MSH5: variants seen among roughly 807,000 people sequenced by gnomAD.
The protein encoded by MSH5 is mutS protein homolog 5.
A neutral mutation model predicts 107.7 loss-of-function variants in MSH5; 78 were observed. That is an observed-to-expected ratio of 0.72 (90% CI 0.60 to 0.87). The LOEUF (loss-of-function observed/expected upper bound fraction) is 0.87, where lower values mean the gene tolerates loss of function less well. Ranked by LOEUF, MSH5 falls within the 40% of genes least tolerant of loss-of-function variation. The pLI, the probability that MSH5 is intolerant of heterozygous loss-of-function variation, is 0.00. For synonymous variants in MSH5, 326 were observed against 399.5 expected, an observed-to-expected ratio of 0.82 and a Z score of 2.19; for missense variants, 889 against 1,046.6, an observed-to-expected ratio of 0.85 and a Z score of 2.08.
rs143691947 is a variant in MSH5 at position 31,743,130 on chromosome 6, T to C, written c.375T>C (p.Pro125=). Residue 125 remains proline (P), a synonymous_variant, in exon 5 of 25, where the codon CCT becomes CCC. Transcript: ENST00000375750. ...GKLASQEHRE[P]KRPEIIFLPS... is the part of the protein sequence containing the mutation. ...CAGCCTCCCAGGAGCACAGAGAGCC[T>C]AAAAGACCTGAAATCATATTTTTGC... 237 of 1,612,930 alleles carry C rather than the reference T, an allele frequency of 1.5e-4. No homozygotes were observed. The highest frequency in any genetic ancestry group is 4.3e-4 in the South Asian group (39 of 91,082).
chr6:31,747,256 T>A (rs1809546827), intron 9 of MSH5, 131 bp from the exon 10 acceptor site: 4 of 900,286 alleles, frequency 4.4e-6, no homozygotes, highest in Non-Finnish European at 7.1e-6. Context: ...TGGCTGCCTT[T>A]GTGCCCTCCC....
chr6:31,762,109 T>G lies in MSH5; in HGVS notation c.2320-3T>G. The G allele has an allele frequency of 1.2e-6, 2 of 1,614,204 alleles. No homozygotes were observed. Among genetic ancestry groups the G allele is most frequent in the Non-Finnish European group, 1.7e-6 (2 of 1,180,040 alleles). Reference sequence around the variant, plus strand: ...CTCCTCCCACCTTCTTGCTTGTTCCTAGGTCTCAGACTTGATCCGCAGTGG... The same window carrying G: ...CTCCTCCCACCTTCTTGCTTGTTCCGAGGTCTCAGACTTGATCCGCAGTGG... On this transcript the variant is annotated splice_region_variant and splice_polypyrimidine_tract_variant and intron_variant, in intron 23 of 24. Coordinates refer to ENST00000375750, the MANE Select transcript of MSH5 (RefSeq NM_172166.4).
In MSH5 at chr6:31,750,259, G is replaced by T. The variant is rs769562920; in HGVS notation, c.812+2827G>T. Among the ~76,000 whole-genome samples, 49 of 152,084 alleles carry T rather than the reference G, an allele frequency of 3.2e-4. 1 individual carries two copies. Among genetic ancestry groups the T allele is most frequent in the Non-Finnish European group, 6.9e-4 (47 of 68,026 alleles). On this transcript the variant is annotated intron_variant, in intron 10 of 24. Coordinates refer to ENST00000375750, the MANE Select transcript of MSH5 (RefSeq NM_172166.4). ...TAATTTATTAGGAAATACCTCTAACGTACAAAAAGATGTAAATAATAATAT... is the reference window on the plus strand; with the variant it reads ...TAATTTATTAGGAAATACCTCTAACTTACAAAAAGATGTAAATAATAATAT...
rs1391659719 is a variant in MSH5, at chr6:31,762,604, C to T, written c.*73C>T. 1 of 865,676 alleles carries T rather than the reference C, an allele frequency of 1.2e-6. No individual in the cohort carries two copies. Among genetic ancestry groups the T allele is most frequent in the Non-Finnish European group, 1.9e-6 (1 of 530,664 alleles). The allele number at this position is 865,676 out of a possible 1,614,324, so 53.6% of individuals were successfully genotyped here. On this transcript the variant is annotated 3_prime_UTR_variant, in exon 25 of 25. Transcript: ENST00000375750. ...CCATGCCCTCTTTGTTTCCTTATCTCCCTCAGACGCAGAGTTTTTAGTTTC... is the reference window on the plus strand; with the variant it reads ...CCATGCCCTCTTTGTTTCCTTATCTTCCTCAGACGCAGAGTTTTTAGTTTC...
chr6:31,760,836 C>T lies in MSH5; in HGVS notation c.1959C>T (p.Asn653=), dbSNP rs1810925740. The change falls in exon 20 of 25, where the codon AAC becomes AAT. Residue 653 remains asparagine (N), a synonymous_variant. Coordinates refer to ENST00000375750, the MANE Select transcript of MSH5 (RefSeq NM_172166.4). This position sits in a 1 kb window ranked among gnomAD's most constrained non-coding sequence, Gnocchi z 5.6. ...TCTCCACCTTCATGATCGACCTCAA[C>T]CAGGTCAAAGGGAACAAAGGGAGGT... The part of the protein sequence containing the change: ...LGLSTFMIDL[N]QVAKAVNNAT... 1 of 1,612,430 alleles carries T rather than the reference C, an allele frequency of 6.2e-7. No individual in the cohort carries two copies. The highest frequency in any genetic ancestry group is 8.5e-7 in the Non-Finnish European group (1 of 1,179,750).
chr6:31,744,433 G>T, intron 7 of MSH5, 113 bp from the exon 8 acceptor site: 1 of 1,536,526 alleles, frequency 6.5e-7, no homozygotes, highest in Non-Finnish European at 9.0e-7. Context: ...GAATCTAAGG[G>T]CTAATGAGAC....
chr6:31,755,385 G>A (rs889989907), intron 12 of MSH5, among the ~76,000 whole-genome samples: 8 of 119,746 alleles, frequency 6.7e-5, no homozygotes, highest in African/African-American at 1.7e-4. Flanking sequence ...TTTTTGAGAC[G>A]GGATTTTGCT....
intron 10 of MSH5, 105 bp from the exon 11 acceptor site, chr6:31,753,196 A>G: frequency 7.4e-7 from 1 of 1,359,788 alleles, no homozygotes; most frequent in African/African-American, 1.4e-5. Context: ...CATCGTGGAT[A>G]CATATTGCCA....
At position 31,760,245 on chromosome 6, in the gene MSH5, C is replaced by T. The variant is rs1365250505; in HGVS notation, c.1812+29C>T. 2.6e-6 allele frequency: 4 copies of T among 1,545,492 alleles called. No homozygotes were observed. The highest frequency in any genetic ancestry group is 2.6e-6 in the Non-Finnish European group (3 of 1,149,600). The stretch of plus-strand genomic sequence containing the variant: ...AGGAGAAGCCCTGCAGCCTGGGCCT[C>T]TGGCGTCTCCTGCATCTACTCCACC... On this transcript the variant is annotated intron_variant, in intron 19 of 24. Transcript: ENST00000375750. This position sits in a 1 kb window ranked among gnomAD's most constrained non-coding sequence, Gnocchi z 5.6.
intron 10 of MSH5, among the ~76,000 whole-genome samples, chr6:31,752,641 A>G (rs1033370514): frequency 2.0e-5 from 3 of 149,638 alleles, no homozygotes; most frequent in African/African-American, 7.4e-5. Context: ...AATCACTTGA[A>G]CCCGGGAGGT....
In MSH5 at chr6:31,758,997, T is replaced by A. The variant is rs1222361501; in HGVS notation, c.1327-100T>A. 4.3e-5 allele frequency: 61 copies of A among 1,415,516 alleles called. No homozygotes were observed. The highest frequency in any genetic ancestry group is 6.0e-5 in the Non-Finnish European group (60 of 1,001,494). The allele number at this position is 1,415,516 out of a possible 1,614,324, so 87.7% of individuals were successfully genotyped here. On this transcript the variant is annotated intron_variant, in intron 15 of 24. Coordinates refer to ENST00000375750, the MANE Select transcript of MSH5 (RefSeq NM_172166.4). This position sits in a 1 kb window ranked among gnomAD's most constrained non-coding sequence, Gnocchi z 5.1. Reference sequence around the variant, plus strand: ...AGCCTGAAGAACATGAACACTTTTTTGTGGGGATACAGGGATCTTTTAAGC... The same window carrying A: ...AGCCTGAAGAACATGAACACTTTTTAGTGGGGATACAGGGATCTTTTAAGC...
chr6:31,750,956 T>C (rs1294040723), intron 10 of MSH5, among the ~76,000 whole-genome samples: 1 of 152,190 alleles, frequency 6.6e-6, no homozygotes, highest in African/African-American at 2.4e-5. Context: ...ATACCCGGAA[T>C]TAGACAAACA....
chr6:31,741,484 T>A (rs1236771034), intron 3 of MSH5, among the ~76,000 whole-genome samples, 198 bp downstream of exon 3: 1 of 152,090 alleles, frequency 6.6e-6, no homozygotes, highest in Non-Finnish European at 1.5e-5. Context: ...GTTCAAGCAA[T>A]TCTCCTGACT....
In MSH5 at chr6:31,761,432, TC is replaced by T. The variant is rs970441724; in HGVS notation, c.2038-36del. The T allele has an allele frequency of 1.2e-6, 2 of 1,610,416 alleles. No homozygotes were observed. Among genetic ancestry groups the T allele is most frequent in the African/African-American group, 2.7e-5 (2 of 74,788 alleles). On this transcript the variant is annotated intron_variant, in intron 21 of 24. Coordinates refer to ENST00000375750, the MANE Select transcript of MSH5 (RefSeq NM_172166.4). The surrounding 1 kb of genome is among the most constrained non-coding windows in gnomAD (Gnocchi z 5.3). ...TGCAAGTGCAGAGGGGCATATGGGG[TC>T]CCCATGGCTCCGAATGCTAACCTCT...
rs1808798057 is a variant in MSH5, at chr6:31,740,836, CT to C, written c.147+224del. ...ATTAGCCGAGCGTGGTGGCACGTGC[CT>C]GTTATCCCAGCTACTGGGAAGGCTG... is the stretch of plus-strand genomic sequence containing the variant. On this transcript the variant is annotated intron_variant, in intron 2 of 24. Coordinates refer to ENST00000375750, the MANE Select transcript of MSH5 (RefSeq NM_172166.4). This position sits in a 1 kb window ranked among gnomAD's most constrained non-coding sequence, Gnocchi z 4.4. Among the ~76,000 whole-genome samples, 1 of 152,114 alleles carries C rather than the reference CT, an allele frequency of 6.6e-6. No homozygotes were observed. Among genetic ancestry groups the C allele is most frequent in the Non-Finnish European group, 1.5e-5 (1 of 68,010 alleles).
intron 9 of MSH5, chr6:31,746,064 C>T: frequency 9.5e-6 from 1 of 105,012 alleles, no homozygotes; most frequent in Non-Finnish European, 1.9e-5. Context: ...CCGCGCCTGG[C>T]CAGTTGTGTC....
intron 9 of MSH5, among the ~76,000 whole-genome samples, chr6:31,746,658 C>T (rs1173486332): frequency 6.6e-6 from 1 of 151,926 alleles, no homozygotes; most frequent in African/African-American, 2.4e-5. Flanking sequence ...GCCATGTTGC[C>T]CAGGCTGGTC....
chr6:31,761,606 G>A lies in MSH5; in HGVS notation c.2172G>A (p.Val724=). ...QLQLLPQGPL[V]QYLTMETCED... ...AACTGCTGCCACAAGGGCCCCTGGT[G>A]CAGTATTTGGTGAGGAGACCAATCT... Residue 724 remains valine, a synonymous_variant, in exon 22 of 25, where the codon GTG becomes GTA. Transcript: ENST00000375750. This position sits in a 1 kb window ranked among gnomAD's most constrained non-coding sequence, Gnocchi z 5.3. The A allele has an allele frequency of 1.9e-6, 3 of 1,614,166 alleles. No homozygotes were observed. The highest frequency in any genetic ancestry group is 1.7e-6 in the Non-Finnish European group (2 of 1,180,044).
chr6:31,753,703 T>A, intron 12 of MSH5, 74 bp downstream of exon 12: 1 of 1,341,356 alleles, frequency 7.5e-7, no homozygotes, highest in Non-Finnish European at 1.1e-6. Flanking sequence ...GTCTGTACCC[T>A]AGACATGCTG....
Sources: gnomAD v4.1 joint callset for allele counts (sites outside exome capture counted in the v4.1 genomes callset) on GRCh38, gnomAD v4.1.1 for gene constraint, Gnocchi (gnomAD v3.1) non-coding constraint, MANE v1.5 for transcripts, NCBI Gene and HGNC (gene_info 2026-07-23, HGNC 2026-07-21) for gene names.